ZC2HC1B: variants seen among roughly 807,000 people sequenced by gnomAD.
ZC2HC1B encodes zinc finger C2HC domain-containing protein 1B.
A neutral mutation model predicts 31.0 loss-of-function variants in ZC2HC1B; 36 were observed. The ratio of observed to expected loss-of-function variants is 1.16; its 90% CI spans 0.89 to 1.54. The LOEUF (loss-of-function observed/expected upper bound fraction) is 1.54, where lower values mean the gene tolerates loss of function less well. ZC2HC1B is among the 40% of genes most tolerant of loss of function. The pLI is 0.00. For missense variants in ZC2HC1B, 260 were observed against 268.6 expected (o/e 0.97, Z 0.22); for synonymous variants, 73 against 88.0 (o/e 0.83, Z 0.95).
intron 1 of ZC2HC1B, among the ~76,000 whole-genome samples, chr6:143,880,561 A>G (rs1434690920): frequency 6.6e-6 from 1 of 152,184 alleles, no homozygotes; most frequent in Non-Finnish European, 1.5e-5. Flanking sequence ...CCTTTAAATT[A>G]ATATAAAAAT....
intron 6 of ZC2HC1B, among the ~76,000 whole-genome samples, chr6:143,925,165 C>CT (rs71024879): frequency 0.034 from 3,573 of 103,840 alleles, 706 homozygotes; most frequent in African/African-American, 0.07. Flanking sequence ...AATCTCATTC[C>CT]TTTTTTTTTT....
chr6:143,928,120 G>A (rs943564157), intron 6 of ZC2HC1B, among the ~76,000 whole-genome samples: 1 of 152,090 alleles, frequency 6.6e-6, no homozygotes, highest in African/African-American at 2.4e-5. Flanking sequence ...AGAAGCATTT[G>A]TTTAATTAAG....
At chr6:143,936,963 A>G (rs1211190884) in intron 6 of ZC2HC1B, among the ~76,000 whole-genome samples, 2 of 152,138 alleles carry the variant, frequency 1.3e-5, no homozygotes. Context: ...TTGATTCACA[A>G]TTTCCTTGTT....
intron 5 of ZC2HC1B, among the ~76,000 whole-genome samples, chr6:143,900,880 C>T (rs1453951119): frequency 1.3e-5 from 2 of 152,120 alleles, no homozygotes; most frequent in African/African-American, 2.4e-5. Context: ...ACTCTGTTGC[C>T]CAGGCTTGAG....
chr6:143,864,882 A>G (rs1267901030), intron 1 of ZC2HC1B, among the ~76,000 whole-genome samples: 3 of 152,214 alleles, frequency 2.0e-5, no homozygotes, highest in East Asian at 3.8e-4. Flanking sequence ...TGTAAGTACT[A>G]AAAGGATTGG....
chr6:143,884,737 C>T lies in ZC2HC1B; in HGVS notation c.90+372C>T, dbSNP rs1209040577. On this transcript the variant is annotated intron_variant, in intron 2 of 7. Transcript: ENST00000237275. The surrounding 1 kb of genome is among the most constrained non-coding windows in gnomAD (Gnocchi z 5.1). ...GGAATGAGCATTGAATTTTAGACAT[C>T]TGGAAACCTGGCTTTTAGCCTCAAA... Among the ~76,000 whole-genome samples the T allele has an allele frequency of 1.3e-5, 2 of 152,210 alleles. No individual in the cohort carries two copies. The highest frequency in any genetic ancestry group is 4.8e-5 in the African/African-American group (2 of 41,464).
chr6:143,871,202 A>T lies in ZC2HC1B; in HGVS notation c.28+6635A>T, dbSNP rs1413251634. On this transcript the variant is annotated intron_variant, in intron 1 of 7. Transcript: ENST00000237275. This position sits in a 1 kb window ranked among gnomAD's most constrained non-coding sequence, Gnocchi z 4.1. ...CTGGCACGCAAATATCTCACCAATA[A>T]GTCCAGTGTGTTTACTACTTCTTGC... Among the ~76,000 whole-genome samples, 2 of 152,152 alleles carry T rather than the reference A, an allele frequency of 1.3e-5. No homozygotes were observed. The highest frequency in any genetic ancestry group is 2.9e-5 in the Non-Finnish European group (2 of 68,026).
chr6:143,889,365 A>G (rs1052779325), intron 4 of ZC2HC1B, among the ~76,000 whole-genome samples: 1 of 152,124 alleles, frequency 6.6e-6, no homozygotes, highest in Admixed American at 6.5e-5. Context: ...GCATAATTGC[A>G]TATTAATGGC....
intron 6 of ZC2HC1B, among the ~76,000 whole-genome samples, chr6:143,906,164 G>A (rs940568093): frequency 6.6e-6 from 1 of 152,086 alleles, no homozygotes; most frequent in Non-Finnish European, 1.5e-5. Flanking sequence ...CAGGTCCGGA[G>A]CATTTTAATG....
At chr6:143,877,728 A>G (rs1300810507) in intron 1 of ZC2HC1B, among the ~76,000 whole-genome samples, 1 of 150,626 alleles carries the variant, frequency 6.6e-6, no homozygotes, top group African/African-American at 2.4e-5. Context: ...AAAAAATGGA[A>G]ATAATGAACA....
chr6:143,937,878 C>A, intron 7 of ZC2HC1B, 145 bp downstream of exon 7: 1 of 587,814 alleles, frequency 1.7e-6, no homozygotes, highest in Non-Finnish European at 3.0e-6. Context: ...GAAACTGACT[C>A]TGCTGTTAAA....
intron 6 of ZC2HC1B, among the ~76,000 whole-genome samples, chr6:143,936,691 A>T (rs1582982349): frequency 6.6e-6 from 1 of 152,212 alleles, no homozygotes; most frequent in African/African-American, 2.4e-5. Flanking sequence ...TGGGATCTAG[A>T]CCTGCATTGC....
intron 4 of ZC2HC1B, among the ~76,000 whole-genome samples, chr6:143,890,566 A>G (rs1251276374): frequency 1.4e-4 from 21 of 152,186 alleles, no homozygotes; most frequent in Admixed American, 1.2e-3. Flanking sequence ...GACCACTTCT[A>G]TTCAACACTG....
At chr6:143,864,762 A>G (rs1329151122) in intron 1 of ZC2HC1B, among the ~76,000 whole-genome samples, 195 bp downstream of exon 1, 2 of 152,224 alleles carry the variant, frequency 1.3e-5, no homozygotes, top group Admixed American at 6.5e-5. Flanking sequence ...CTAGAAAAAA[A>G]TCTTGACTGA....
At chr6:143,909,717 C>G (rs1212760875) in intron 6 of ZC2HC1B, among the ~76,000 whole-genome samples, 1 of 151,990 alleles carries the variant, frequency 6.6e-6, no homozygotes, top group East Asian at 1.9e-4. Flanking sequence ...ATAGTATTCT[C>G]TGATGGTTGT....
Position 143,913,318 on chromosome 6 carries a change from C to T in ZC2HC1B, c.598+10166C>T, listed in dbSNP as rs1054802372. On this transcript the variant is annotated intron_variant, in intron 6 of 7. Coordinates refer to ENST00000237275, the MANE Select transcript of ZC2HC1B (RefSeq NM_001013623.3). The surrounding 1 kb of genome is among the most constrained non-coding windows in gnomAD (Gnocchi z 5.7). ...AAACCCTTCCTTGTCTGGACGGTTT[C>T]GACTCTCCAGAGTCCACAGGCTGGA... 3.7e-4 allele frequency among the ~76,000 whole-genome samples: 56 copies of T among 152,108 alleles called. No homozygotes were observed. Among genetic ancestry groups the T allele is most frequent in the African/African-American group, 1.3e-3 (53 of 41,422 alleles).
intron 1 of ZC2HC1B, among the ~76,000 whole-genome samples, chr6:143,875,091 C>T (rs1777389660): frequency 6.6e-6 from 1 of 152,176 alleles, no homozygotes; most frequent in Non-Finnish European, 1.5e-5. Context: ...CCTCAGCTTT[C>T]CAGAGTGTTC....
chr6:143,920,653 G>A (rs551756757), intron 6 of ZC2HC1B, among the ~76,000 whole-genome samples: 46 of 152,228 alleles, frequency 3.0e-4, no homozygotes, highest in African/African-American at 1.0e-3. Flanking sequence ...GCTCACACCT[G>A]TAATCCCAGT....
At chr6:143,919,380 A>G (rs544532051) in intron 6 of ZC2HC1B, among the ~76,000 whole-genome samples, 3 of 142,068 alleles carry the variant, frequency 2.1e-5, no homozygotes, top group East Asian at 2.0e-4. Flanking sequence ...TAATTTCCTC[A>G]TATATGTAGT....
Sources: gnomAD v4.1 joint callset for allele counts (sites outside exome capture counted in the v4.1 genomes callset) on GRCh38, gnomAD v4.1.1 for gene constraint, Gnocchi (gnomAD v3.1) non-coding constraint, MANE v1.5 for transcripts, NCBI Gene and HGNC (gene_info 2026-07-23, HGNC 2026-07-21) for gene names.